Variants in CLIC2 observed in about 807,000 individuals in gnomAD.
CLIC2 encodes chloride intracellular channel protein 2.
A neutral mutation model predicts 14.8 loss-of-function variants in CLIC2; 9 were observed. That is an observed-to-expected ratio of 0.61 (90% confidence interval 0.37 to 1.06). CLIC2 has a LOEUF of 1.06. Ranked by LOEUF, CLIC2 falls within the 50% of genes least tolerant of loss-of-function variation. The probability of loss-of-function intolerance (pLI) is 0.01; values close to 1 mark genes in which losing one functional copy is unlikely to be tolerated. For synonymous variants in CLIC2, 61 were observed against 66.3 expected (o/e 0.92, Z 0.39); for missense variants, 148 against 181.4 (o/e 0.82, Z 1.06).
At chrX:155,317,145 C>T (rs2075097937) in intron 1 of CLIC2, among the ~76,000 whole-genome samples, 1 of 111,582 alleles carries the variant, frequency 9.0e-6, no homozygotes, top group African/African-American at 3.3e-5. Flanking sequence ...TGAGGTCACA[C>T]CTCACAGAAC....
intron 1 of CLIC2, among the ~76,000 whole-genome samples, chrX:155,333,720 T>C (rs1336426321): frequency 4.7e-5 from 5 of 107,172 alleles, no homozygotes; most frequent in African/African-American, 6.8e-5. Context: ...TTCTGAAAAG[T>C]TGACATGTTA....
intron 3 of CLIC2, among the ~76,000 whole-genome samples, chrX:155,295,008 C>T (rs995557446): frequency 1.8e-5 from 2 of 111,832 alleles, no homozygotes; most frequent in Non-Finnish European, 3.8e-5. Flanking sequence ...CTCTCCTTAA[C>T]TCATTCTATG....
In CLIC2 at chrX:155,304,956, T is replaced by C. The variant is rs782112186; in HGVS notation, c.58-5811A>G. Reference sequence around the variant, plus strand: ...GCCCGTTCTCAGATCTCCAGCTGCGTGCTGGGAGAACCACTGCTCTCTTCA... The same window carrying C: ...GCCCGTTCTCAGATCTCCAGCTGCGCGCTGGGAGAACCACTGCTCTCTTCA... On this transcript the variant is annotated intron_variant, in intron 1 of 5. Coordinates refer to ENST00000369449, the MANE Select transcript of CLIC2 (RefSeq NM_001289.6). 1.6e-4 allele frequency among the ~76,000 whole-genome samples: 17 copies of C among 107,156 alleles called. No homozygotes were observed. The South Asian group carries it at 7.0e-3, about 44-fold the overall frequency. The allele number at this position is 107,156 out of a possible 115,157, so 93.1% of individuals were successfully genotyped here.
intron 3 of CLIC2, among the ~76,000 whole-genome samples, chrX:155,286,004 G>A (rs1264816198): frequency 2.7e-5 from 3 of 109,846 alleles, no homozygotes; most frequent in East Asian, 2.8e-4. Flanking sequence ...TTTTAGTTTC[G>A]GATACATGTG....
chrX:155,296,909 G>GA (rs1244945821), intron 3 of CLIC2, among the ~76,000 whole-genome samples: 3 of 111,629 alleles, frequency 2.7e-5, no homozygotes, highest in African/African-American at 9.8e-5. Context: ...GGAGATTTCT[G>GA]AAAAAACCAA....
At chrX:155,312,588 T>G (rs998984499) in intron 1 of CLIC2, among the ~76,000 whole-genome samples, 2 of 111,753 alleles carry the variant, frequency 1.8e-5, no homozygotes, top group Non-Finnish European at 1.9e-5. Flanking sequence ...TAGTTTTGAG[T>G]GAGGTAAGGT....
chrX:155,289,960 C>T (rs2074957459), intron 3 of CLIC2, among the ~76,000 whole-genome samples: 1 of 112,161 alleles, frequency 8.9e-6, no homozygotes, highest in Admixed American at 9.5e-5. Context: ...ATACTCTAGC[C>T]TGGTCTTTAA....
In CLIC2 at chrX:155,304,199, C is replaced by T. The variant is rs782144267; in HGVS notation, c.58-5054G>A. Among the ~76,000 whole-genome samples, 140 of 107,330 alleles carry T rather than the reference C, an allele frequency of 1.3e-3. 1 individual carries two copies. Among genetic ancestry groups the T allele is most frequent in the African/African-American group, 4.4e-3 (131 of 29,555 alleles). The allele number at this position is 107,330 out of a possible 115,157, so 93.2% of individuals were successfully genotyped here. A position where few individuals can be genotyped will look rare whatever the true frequency, so the allele number is the denominator to read the frequency against. ...GTTTTCCAACTTGGTTCCATTCTCC[C>T]CGTCACTTTCAGGTACACCAATCAG... is the stretch of plus-strand genomic sequence containing the variant. On this transcript the variant is annotated intron_variant, in intron 1 of 5. Coordinates refer to ENST00000369449, the MANE Select transcript of CLIC2 (RefSeq NM_001289.6).
At chrX:155,308,928 G>GA (rs1176761776) in intron 1 of CLIC2, among the ~76,000 whole-genome samples, 3 of 110,558 alleles carry the variant, frequency 2.7e-5, no homozygotes, top group Admixed American at 9.6e-5. Context: ...ACTTCAATCA[G>GA]AAAAAAAATA....
At chrX:155,285,691 G>A (rs781789410) in intron 3 of CLIC2, among the ~76,000 whole-genome samples, 2 of 111,652 alleles carry the variant, frequency 1.8e-5, no homozygotes, top group African/African-American at 3.3e-5. Flanking sequence ...AGTTAACTTT[G>A]AGACTGGAAG....
chrX:155,326,293 C>T (rs2075137956), intron 1 of CLIC2, among the ~76,000 whole-genome samples: 1 of 111,457 alleles, frequency 9.0e-6, no homozygotes, highest in African/African-American at 3.3e-5. Flanking sequence ...GAGCAAAGGA[C>T]ATGGACAGAC....
chrX:155,308,867 A>C (rs1557320255), intron 1 of CLIC2, among the ~76,000 whole-genome samples: 1 of 111,642 alleles, frequency 9.0e-6, no homozygotes, highest in Non-Finnish European at 1.9e-5. Flanking sequence ...ATGAAAGCTG[A>C]GGGCTTTTTA....
intron 1 of CLIC2, among the ~76,000 whole-genome samples, chrX:155,306,942 C>T (rs1187427872): frequency 9.0e-6 from 1 of 111,205 alleles, no homozygotes; most frequent in Non-Finnish European, 1.9e-5. Context: ...CTATATCAGC[C>T]ATCATTTTTT....
intron 3 of CLIC2, among the ~76,000 whole-genome samples, chrX:155,289,339 G>A (rs1469996004): frequency 3.6e-5 from 4 of 111,502 alleles, no homozygotes; most frequent in Admixed American, 1.9e-4. Context: ...TCTATTTCAA[G>A]TATCAAAGAA....
At position 155,299,098 on chromosome X, in the gene CLIC2, G is replaced by T. The variant is rs1191186955; in HGVS notation, c.105C>A (p.Arg35=). 2.5e-6 allele frequency: 3 copies of T among 1,210,286 alleles called. No individual in the cohort carries two copies. Among genetic ancestry groups the T allele is most frequent in the African/African-American group, 1.7e-5 (1 of 57,710 alleles). Reference sequence around the variant, plus strand: ...CTTTAAGCCAGAGGATCATGAAAAGGCGTTGGCAAAAGGGACAGTTTCCAA... The same window carrying T: ...CTTTAAGCCAGAGGATCATGAAAAGTCGTTGGCAAAAGGGACAGTTTCCAA... ...ESIGNCPFCQ[R]LFMILWLKGV... Residue 35 remains arginine, a synonymous_variant, in exon 2 of 6, where the codon CGC becomes CGA. Transcript: ENST00000369449.
intron 3 of CLIC2, chrX:155,290,285 G>A: frequency 4.4e-6 from 1 of 229,295 alleles, no homozygotes; most frequent in Non-Finnish European, 8.1e-6. Flanking sequence ...AACATGGAAT[G>A]ATTTCAGTTC....
At chrX:155,320,648 C>T (rs1294648539) in intron 1 of CLIC2, among the ~76,000 whole-genome samples, 1 of 111,614 alleles carries the variant, frequency 9.0e-6, no homozygotes, top group Non-Finnish European at 1.9e-5. Flanking sequence ...ACCAGAATGC[C>T]TCTTCTCCTC....
chrX:155,296,471 A>G (rs1368684720), intron 3 of CLIC2, among the ~76,000 whole-genome samples: 1 of 112,059 alleles, frequency 8.9e-6, no homozygotes, highest in African/African-American at 3.2e-5. Context: ...TATGATTGAG[A>G]TGTCAAAAGC....
At chrX:155,294,810 G>A (rs1408261005) in intron 3 of CLIC2, among the ~76,000 whole-genome samples, 5 of 111,765 alleles carry the variant, frequency 4.5e-5, no homozygotes, top group Non-Finnish European at 9.4e-5. Flanking sequence ...CATACAATGT[G>A]CTGAGACTGA....
Sources: gnomAD v4.1 joint callset for allele counts (sites outside exome capture counted in the v4.1 genomes callset) on GRCh38, gnomAD v4.1.1 for gene constraint, MANE v1.5 for transcripts, NCBI Gene and HGNC (gene_info 2026-07-23, HGNC 2026-07-21) for gene names.